PLCB4: variants seen among roughly 807,000 people sequenced by gnomAD.
PLCB4 encodes phospholipase C beta 4.
In PLCB4, 77 loss-of-function variants were observed where a neutral mutation model predicts 178.8. That is an observed-to-expected ratio of 0.43 (90% CI 0.36 to 0.52). The LOEUF (loss-of-function observed/expected upper bound fraction) is 0.52. Ranked by LOEUF, PLCB4 falls within the 20% of genes least tolerant of loss-of-function variation. PLCB4 has a pLI of 0.00. For synonymous variants in PLCB4, 496 were observed against 490.8 expected (o/e 1.01, Z -0.14); for missense variants, 1,024 against 1,453.4 (o/e 0.70, Z 4.80).
At chr20:9,238,406 AC>A (rs565270728) in intron 3 of PLCB4, among the ~76,000 whole-genome samples, 68 of 143,216 alleles carry the variant, frequency 4.7e-4, no homozygotes, top group Admixed American at 1.8e-3. Context: ...AGTGGAGTTG[AC>A]CCCCCCCCGA....
At chr20:9,266,698 A>AT (rs1412522208) in intron 3 of PLCB4, among the ~76,000 whole-genome samples, 1 of 151,898 alleles carries the variant, frequency 6.6e-6, no homozygotes, top group Admixed American at 6.6e-5. Context: ...TTTTTAAATT[A>AT]TTTTTTTCTA....
intron 2 of PLCB4, among the ~76,000 whole-genome samples, chr20:9,127,933 C>T (rs1028372940): frequency 1.3e-5 from 2 of 152,146 alleles, no homozygotes; most frequent in East Asian, 1.9e-4. Flanking sequence ...GTGATCTGCC[C>T]GCCTCGGCCT....
chr20:9,404,364 TAC>T (rs1352629070), intron 20 of PLCB4, among the ~76,000 whole-genome samples: 1 of 152,200 alleles, frequency 6.6e-6, no homozygotes, highest in East Asian at 1.9e-4. Flanking sequence ...ATATTGCCTT[TAC>T]ACACTATCTT....
At chr20:9,183,128 G>A (rs1298951546) in intron 2 of PLCB4, among the ~76,000 whole-genome samples, 1 of 152,102 alleles carries the variant, frequency 6.6e-6, no homozygotes, top group Non-Finnish European at 1.5e-5. Context: ...CATAAGTGGT[G>A]TCCCAGAGTT....
At chr20:9,330,187 A>T (rs894646919) in intron 4 of PLCB4, among the ~76,000 whole-genome samples, 1 of 152,156 alleles carries the variant, frequency 6.6e-6, no homozygotes, top group Non-Finnish European at 1.5e-5. Flanking sequence ...GTTAATTCCA[A>T]ACCAGACTCC....
intron 7 of PLCB4, among the ~76,000 whole-genome samples, chr20:9,347,888 C>T (rs997065756): frequency 2.0e-5 from 3 of 152,182 alleles, no homozygotes; most frequent in South Asian, 2.1e-4. Context: ...GCAGGAGAAT[C>T]GCTTGAACCC....
At chr20:9,425,579 T>G (rs1390024966) in intron 28 of PLCB4, among the ~76,000 whole-genome samples, 1 of 152,260 alleles carries the variant, frequency 6.6e-6, no homozygotes, top group African/African-American at 2.4e-5. Flanking sequence ...GTATTTACAA[T>G]GTAGCTTATT....
chr20:9,317,657 C>A (rs1171836526), intron 4 of PLCB4, among the ~76,000 whole-genome samples: 1 of 152,026 alleles, frequency 6.6e-6, no homozygotes, highest in Non-Finnish European at 1.5e-5. Context: ...AATCTGGGGT[C>A]CCACTAGATT....
At chr20:9,179,027 TATG>T (rs1225453393) in intron 2 of PLCB4, among the ~76,000 whole-genome samples, 3 of 152,192 alleles carry the variant, frequency 2.0e-5, no homozygotes, top group African/African-American at 7.2e-5. Context: ...CTTTTGAACT[TATG>T]ATAAAAAATG....
At chr20:9,436,527 C>CT (rs2041782659) in intron 29 of PLCB4, among the ~76,000 whole-genome samples, 1 of 152,028 alleles carries the variant, frequency 6.6e-6, no homozygotes, top group Admixed American at 6.6e-5. Context: ...AATTTTTTTA[C>CT]TTTTTTTGTC....
At chr20:9,210,368 G>T (rs1345888767) in intron 2 of PLCB4, among the ~76,000 whole-genome samples, 3 of 152,086 alleles carry the variant, frequency 2.0e-5, no homozygotes, top group Non-Finnish European at 4.4e-5. Context: ...TGACGGCAAA[G>T]AAAAAATACA....
At chr20:9,477,640 A>T (rs1258371469) in intron 39 of PLCB4, among the ~76,000 whole-genome samples, 2 of 152,162 alleles carry the variant, frequency 1.3e-5, no homozygotes. Flanking sequence ...TCTCTATTAG[A>T]GTATTACTAT....
intron 4 of PLCB4, among the ~76,000 whole-genome samples, chr20:9,325,192 T>C (rs2030274458): frequency 6.6e-6 from 1 of 152,240 alleles, no homozygotes. Context: ...TCTCCTGTTT[T>C]TCTTAGGATT....
intron 4 of PLCB4, among the ~76,000 whole-genome samples, chr20:9,328,808 G>A (rs1179125072): frequency 6.6e-6 from 1 of 152,206 alleles, no homozygotes; most frequent in East Asian, 1.9e-4. Context: ...TGGAAAGCTA[G>A]GACGTGGACA....
At chr20:9,391,996 C>A (rs748021379) in intron 17 of PLCB4, among the ~76,000 whole-genome samples, 2 of 152,172 alleles carry the variant, frequency 1.3e-5, no homozygotes, top group Non-Finnish European at 2.9e-5. Context: ...TGGTGCAATA[C>A]TACTTTTCTC....
At chr20:9,225,881 CT>C (rs2093858652) in intron 3 of PLCB4, among the ~76,000 whole-genome samples, 1 of 152,168 alleles carries the variant, frequency 6.6e-6, no homozygotes, top group Admixed American at 6.6e-5. Flanking sequence ...AACTATTTTA[CT>C]TTTCTGAAAT....
intron 28 of PLCB4, among the ~76,000 whole-genome samples, chr20:9,431,115 T>C (rs1000662524): frequency 6.6e-6 from 1 of 152,182 alleles, no homozygotes; most frequent in African/African-American, 2.4e-5. Context: ...GGCAGGGCCA[T>C]GCCCTCTCTG....
In PLCB4 at chr20:9,082,933, C is replaced by T. The variant is rs568354043; in HGVS notation, c.-134-13354C>T. ...TGGCTCTGCCAGAATCAGGCTCTCC[C>T]AAACCATTTTGTTTTATGTTAATTT... On this transcript the variant is annotated intron_variant, in intron 1 of 39. Coordinates refer to ENST00000378473, the MANE Select transcript of PLCB4 (RefSeq NM_001377142.1). 3.9e-5 allele frequency among the ~76,000 whole-genome samples: 6 copies of T among 152,300 alleles called. No individual in the cohort carries two copies. The South Asian group carries it at 1.2e-3, about 32-fold the overall frequency.
chr20:9,258,946 G>A (rs1004533948), intron 3 of PLCB4, among the ~76,000 whole-genome samples: 6 of 152,052 alleles, frequency 3.9e-5, no homozygotes, highest in African/African-American at 1.4e-4. Flanking sequence ...TAAAACAAAA[G>A]AAGGAAATAT....
Sources: gnomAD v4.1 joint callset for allele counts (sites outside exome capture counted in the v4.1 genomes callset) on GRCh38, gnomAD v4.1.1 for gene constraint, MANE v1.5 for transcripts, NCBI Gene and HGNC (gene_info 2026-07-23, HGNC 2026-07-21) for gene names.